The following PXDNL variants were observed in gnomAD, a reference collection of about 807,000 sequenced individuals.
PXDNL encodes the protein peroxidasin like.
A neutral mutation model predicts 150.8 loss-of-function variants in PXDNL; 145 were observed. That is an observed-to-expected ratio of 0.96 (90% CI 0.84 to 1.10). The LOEUF (loss-of-function observed/expected upper bound fraction) is 1.10. Among genes scored for constraint, PXDNL ranks in the 50% least tolerant of loss-of-function variants. The pLI, the probability that PXDNL is intolerant of heterozygous loss-of-function variation, is 0.00. For synonymous variants in PXDNL, 757 were observed against 725.7 expected (o/e 1.04, Z -0.69); for missense variants, 2,087 against 1,873.9 (o/e 1.11, Z -2.10).
chr8:51,425,118 T>A (rs1809056572), intron 13 of PXDNL, among the ~76,000 whole-genome samples: 1 of 152,230 alleles, frequency 6.6e-6, no homozygotes, highest in African/African-American at 2.4e-5. Context: ...CCTCACCTAT[T>A]GCCAGAACTC....
At chr8:51,754,173 C>T (rs2037074042) in intron 1 of PXDNL, among the ~76,000 whole-genome samples, 2 of 152,260 alleles carry the variant, frequency 1.3e-5, no homozygotes, top group South Asian at 4.1e-4. Flanking sequence ...AAAAGCAGTT[C>T]TTACTTCACA....
intron 1 of PXDNL, among the ~76,000 whole-genome samples, chr8:51,792,628 C>T (rs1193076323): frequency 1.3e-5 from 2 of 152,156 alleles, no homozygotes; most frequent in Admixed American, 1.3e-4. Context: ...CTCCAGTCTG[C>T]CATTTTTCCC....
At chr8:51,753,052 A>C (rs1479826368) in intron 1 of PXDNL, among the ~76,000 whole-genome samples, 1 of 152,232 alleles carries the variant, frequency 6.6e-6, no homozygotes, top group Non-Finnish European at 1.5e-5. Flanking sequence ...CACATCAGTG[A>C]ATATTTGGCC....
At chr8:51,416,719 C>T (rs1312256475) in intron 14 of PXDNL, among the ~76,000 whole-genome samples, 1 of 152,110 alleles carries the variant, frequency 6.6e-6, no homozygotes, top group Non-Finnish European at 1.5e-5. Context: ...AATCAGAAGT[C>T]AACCAGTGTG....
intron 2 of PXDNL, among the ~76,000 whole-genome samples, chr8:51,601,480 C>G (rs1047130018): frequency 6.6e-6 from 1 of 151,956 alleles, no homozygotes; most frequent in African/African-American, 2.4e-5. Context: ...TAATGCCCTT[C>G]TTTGTCTTCA....
chr8:51,447,175 G>T lies in PXDNL; in HGVS notation c.1367-13C>A, dbSNP rs757045101. 3.1e-6 allele frequency: 5 copies of T among 1,612,002 alleles called. 1 individual carries two copies. In the African/African-American group the frequency reaches 5.3e-5, roughly 17 times the overall value. ...GGGAGCTGCCCTCCTGCAAAAAGAG[G>T]TAAAGAAAGTATTCTTCATGGCCCA... On this transcript the variant is annotated splice_polypyrimidine_tract_variant and intron_variant, in intron 11 of 22. Coordinates refer to ENST00000356297, the MANE Select transcript of PXDNL (RefSeq NM_144651.5).
intron 2 of PXDNL, among the ~76,000 whole-genome samples, chr8:51,621,927 G>C (rs914180342): frequency 1.5e-5 from 2 of 136,564 alleles, no homozygotes; most frequent in Non-Finnish European, 3.1e-5. Context: ...ATGGGTGACA[G>C]AGTGAGACCC....
chr8:51,451,340 G>T (rs1809805301), intron 10 of PXDNL, among the ~76,000 whole-genome samples: 1 of 152,128 alleles, frequency 6.6e-6, no homozygotes, highest in Non-Finnish European at 1.5e-5. Context: ...TGAGCAGCTT[G>T]CTAGGTCGAT....
chr8:51,582,183 G>T (rs1469461335), intron 3 of PXDNL, among the ~76,000 whole-genome samples: 1 of 152,090 alleles, frequency 6.6e-6, no homozygotes. Context: ...TGAGGTCATG[G>T]GTTGGGATGC....
chr8:51,742,575 T>A (rs2036917682), intron 1 of PXDNL, among the ~76,000 whole-genome samples: 1 of 149,386 alleles, frequency 6.7e-6, no homozygotes, highest in African/African-American at 2.6e-5. Context: ...TCTCAAGCAG[T>A]TTTTTAAATT....
chr8:51,368,852 C>T (rs929837883), intron 19 of PXDNL, among the ~76,000 whole-genome samples: 8 of 151,894 alleles, frequency 5.3e-5, no homozygotes, highest in Non-Finnish European at 7.4e-5. Context: ...AAAAATTAGC[C>T]GGGCGCAGTG....
At chr8:51,477,734 G>A (rs529987076) in intron 6 of PXDNL, among the ~76,000 whole-genome samples, 6 of 152,212 alleles carry the variant, frequency 3.9e-5, no homozygotes, top group South Asian at 2.1e-4. Context: ...GGAGCATCCC[G>A]AGCATGGCAG....
intron 4 of PXDNL, among the ~76,000 whole-genome samples, chr8:51,520,517 G>A (rs1811640357): frequency 6.6e-6 from 1 of 151,958 alleles, no homozygotes; most frequent in Non-Finnish European, 1.5e-5. Flanking sequence ...AAATCTCCTC[G>A]GAAGATCCGA....
At chr8:51,806,147 A>C (rs945534494) in intron 1 of PXDNL, among the ~76,000 whole-genome samples, 1 of 152,206 alleles carries the variant, frequency 6.6e-6, no homozygotes, top group Non-Finnish European at 1.5e-5. Context: ...TAAAACCCTG[A>C]TCAACTGTAA....
In PXDNL at chr8:51,591,886, T is replaced by C. The variant is rs1477798320; in HGVS notation, c.308+741A>G. ...GCCCGCCTGGGCCTCCCCAAAGTGCTGGGATTACAGGCGTGAGCCACCGTG... is the reference window on the plus strand; with the variant it reads ...GCCCGCCTGGGCCTCCCCAAAGTGCCGGGATTACAGGCGTGAGCCACCGTG... On this transcript the variant is annotated intron_variant, in intron 3 of 22. Transcript: ENST00000356297. Among the ~76,000 whole-genome samples the C allele has an allele frequency of 1.1e-4, 16 of 152,238 alleles. 1 individual carries two copies. The highest frequency in any genetic ancestry group is 1.0e-3 in the Admixed American group (16 of 15,284).
intron 1 of PXDNL, among the ~76,000 whole-genome samples, chr8:51,785,408 G>T (rs1368788497): frequency 1.3e-5 from 2 of 152,136 alleles, no homozygotes; most frequent in African/African-American, 2.4e-5. Flanking sequence ...TTGTCTTACG[G>T]TGCTTTGCTT....
rs746115356 is a variant in PXDNL, at chr8:51,413,160, A to G, written c.1894T>C (p.Leu632=). 3.2e-6 allele frequency: 5 copies of G among 1,583,730 alleles called. No individual in the cohort carries two copies. In the Admixed American group the frequency reaches 8.4e-5, roughly 26 times the overall value. ...AAAATAAATTCTTACTGTGAAAACA[A>G]ATGTCTTCGTGTGGAGTTAATTGCA... ...DSAINSTRRH[L]FSQKPHTSSD... Residue 632 remains leucine (L), a synonymous_variant, in exon 15 of 23, where the codon TTG becomes CTG. Transcript: ENST00000356297.
At chr8:51,556,939 T>A (rs1440823565) in intron 3 of PXDNL, 28 bp from the exon 4 acceptor site, 1 of 1,326,664 alleles carries the variant, frequency 7.5e-7, no homozygotes, top group South Asian at 1.2e-5. Context: ...TGTCATTAAA[T>A]TATAAATTAG....
At chr8:51,479,643 C>T (rs1286566143) in intron 6 of PXDNL, among the ~76,000 whole-genome samples, 1 of 152,018 alleles carries the variant, frequency 6.6e-6, no homozygotes, top group East Asian at 1.9e-4. Flanking sequence ...TTCAAGCTTA[C>T]AAGTGGGAGC....
Sources: allele counts gnomAD v4.1 joint callset (sites outside exome capture counted in the v4.1 genomes callset), GRCh38; gene constraint gnomAD v4.1.1; transcripts MANE v1.5; gene names NCBI Gene and HGNC (gene_info 2026-07-23, HGNC 2026-07-21).